Variants in STK35 observed in about 807,000 individuals in gnomAD.
The protein encoded by STK35 is serine/threonine-protein kinase 35.
STK35 carries 17 observed loss-of-function variants against 37.3 expected under a neutral mutation model. The ratio of observed to expected loss-of-function variants is 0.46; its 90% CI spans 0.31 to 0.68. The LOEUF (loss-of-function observed/expected upper bound fraction) is 0.68, where lower values mean the gene tolerates loss of function less well. STK35 is among the 30% of genes least tolerant of loss of function. The pLI is 0.05. For missense variants in STK35, 595 were observed against 746.7 expected (o/e 0.80, Z 2.37); for synonymous variants, 385 against 319.1 (o/e 1.21, Z -2.20).
rs1385805894 is a variant in STK35 at position 2,148,046 on chromosome 20, A to G, written c.*4300A>G. The stretch of plus-strand genomic sequence containing the variant: ...GTTAGCATCTACAGCCATCACCGAG[A>G]TGAGTCCACTGCCGTTGCCTGCCCG... On this transcript the variant is annotated 3_prime_UTR_variant, in exon 4 of 4. Coordinates refer to ENST00000381482, the MANE Select transcript of STK35 (RefSeq NM_080836.4). 7.4e-6 allele frequency: 1 copy of G among 134,822 alleles called. No homozygotes were observed. Among genetic ancestry groups the G allele is most frequent in the Non-Finnish European group, 1.6e-5 (1 of 64,444 alleles). 8.4% of individuals were successfully genotyped at this position (134,822 alleles called of 1,614,324 possible). A position where few individuals can be genotyped will look rare whatever the true frequency, so the allele number is the denominator to read the frequency against.
At chr20:2,139,731 G>A (rs573075074) in intron 3 of STK35, among the ~76,000 whole-genome samples, 2 of 152,292 alleles carry the variant, frequency 1.3e-5, no homozygotes, top group Admixed American at 6.5e-5. Context: ...GTTGCTTTAC[G>A]AGGTTGTTGC....
At chr20:2,106,115 T>G (rs1305147472) in intron 2 of STK35, among the ~76,000 whole-genome samples, 1 of 152,218 alleles carries the variant, frequency 6.6e-6, no homozygotes, top group Non-Finnish European at 1.5e-5. Flanking sequence ...TTTTGCTTCT[T>G]AAAATAGAGA....
intron 2 of STK35, among the ~76,000 whole-genome samples, chr20:2,111,675 G>A (rs965604319): frequency 1.3e-5 from 2 of 152,160 alleles, no homozygotes; most frequent in Admixed American, 1.3e-4. Context: ...CTCTGGCCTG[G>A]GCAACAGAGC....
chr20:2,121,942 C>G (rs1404037085), intron 3 of STK35, among the ~76,000 whole-genome samples: 1 of 152,158 alleles, frequency 6.6e-6, no homozygotes, highest in African/African-American at 2.4e-5. Context: ...CAGTAGTTGT[C>G]AAAGTATTTT....
intron 2 of STK35, among the ~76,000 whole-genome samples, chr20:2,116,094 G>C (rs1219427504): frequency 6.6e-6 from 1 of 152,154 alleles, no homozygotes; most frequent in African/African-American, 2.4e-5. Context: ...TACCTAACTT[G>C]TGCTAGGCAT....
chr20:2,111,524 C>T (rs1423397753), intron 2 of STK35, among the ~76,000 whole-genome samples: 3 of 152,040 alleles, frequency 2.0e-5, no homozygotes, highest in Non-Finnish European at 1.5e-5. Context: ...TAAGGAGACC[C>T]TGTCTCTACT....
In STK35 at chr20:2,143,655, T is replaced by G. The variant is rs147601843; in HGVS notation, c.*38-129T>G. On this transcript the variant is annotated intron_variant, in intron 3 of 3. Transcript: ENST00000381482. ...GACCAGGGAGGTTGTGAAGCTAGAT[T>G]TACCCCATCTCTTTAGAGCTCTGCC... 1,078 of 238,130 alleles carry G rather than the reference T, an allele frequency of 4.5e-3. 15 individuals are homozygous for G. The highest frequency in any genetic ancestry group is 0.024 in the African/African-American group (1,020 of 42,048). The allele number at this position is 238,130 out of a possible 1,614,324, so 14.8% of individuals were successfully genotyped here. A position where few individuals can be genotyped will look rare whatever the true frequency, so the allele number is the denominator to read the frequency against.
At chr20:2,109,959 G>A (rs1161402498) in intron 2 of STK35, among the ~76,000 whole-genome samples, 1 of 152,228 alleles carries the variant, frequency 6.6e-6, no homozygotes, top group Non-Finnish European at 1.5e-5. Flanking sequence ...TTTGGACACT[G>A]TGTTTTGCCC....
chr20:2,117,501 G>A lies in STK35; in HGVS notation c.*37+86G>A. Reference sequence around the variant, plus strand: ...GTCAGGCTGGGGTGCAGCGGGTGCAGTGGCAGGATCTCAGCTCACTGCAAC... The same window carrying A: ...GTCAGGCTGGGGTGCAGCGGGTGCAATGGCAGGATCTCAGCTCACTGCAAC... On this transcript the variant is annotated intron_variant, in intron 3 of 3. Coordinates refer to ENST00000381482, the MANE Select transcript of STK35 (RefSeq NM_080836.4). This position sits in a 1 kb window ranked among gnomAD's most constrained non-coding sequence, Gnocchi z 4.4. 1 of 729,292 alleles carries A rather than the reference G, an allele frequency of 1.4e-6. No homozygotes were observed. The highest frequency in any genetic ancestry group is 2.2e-6 in the Non-Finnish European group (1 of 460,200). 45.2% of individuals were successfully genotyped at this position (729,292 alleles called of 1,614,324 possible). A position where few individuals can be genotyped will look rare whatever the true frequency, so the allele number is the denominator to read the frequency against.
At chr20:2,131,331 T>A (rs1178151702) in intron 3 of STK35, among the ~76,000 whole-genome samples, 1 of 152,062 alleles carries the variant, frequency 6.6e-6, no homozygotes, top group African/African-American at 2.4e-5. Flanking sequence ...GTAAAAAAAA[T>A]GGCTGGGCTT....
intron 3 of STK35, among the ~76,000 whole-genome samples, chr20:2,133,514 C>T (rs1352366512): frequency 6.6e-6 from 1 of 152,208 alleles, no homozygotes; most frequent in Non-Finnish European, 1.5e-5. Flanking sequence ...TTGGGTTTCA[C>T]CCAGTGTCTG....
Position 2,117,171 on chromosome 20 carries a change from C to T in STK35, c.1398C>T (p.Tyr466=), listed in dbSNP as rs1235251849. The change falls in exon 3 of 4, where the codon TAC becomes TAT. Residue 466 remains tyrosine, a synonymous_variant. Transcript: ENST00000381482. This position sits in a 1 kb window ranked among gnomAD's most constrained non-coding sequence, Gnocchi z 4.4. ...CCAAGAAGGAGCTCCTGGGGACCTA[C>T]ATTAAACAGGGGACTGAGATCGTCC... The part of the protein sequence containing the change: ...SETKKELLGT[Y]IKQGTEIVPV... 6.2e-7 allele frequency: 1 copy of T among 1,614,120 alleles called. No individual in the cohort carries two copies. The highest frequency in any genetic ancestry group is 1.3e-5 in the African/African-American group (1 of 75,028).
At position 2,117,737 on chromosome 20, in the gene STK35, G is replaced by A. The variant is rs970407623; in HGVS notation, c.*37+322G>A. On this transcript the variant is annotated intron_variant, in intron 3 of 3. Coordinates refer to ENST00000381482, the MANE Select transcript of STK35 (RefSeq NM_080836.4). The surrounding 1 kb of genome is among the most constrained non-coding windows in gnomAD (Gnocchi z 4.4). The stretch of plus-strand genomic sequence containing the variant: ...TGGGATTACAGTTGTGAGCCACCAT[G>A]CCCAGCCTCTCTTTTTTTTCTGTAT... Among the ~76,000 whole-genome samples, 1 of 152,174 alleles carries A rather than the reference G, an allele frequency of 6.6e-6. No individual in the cohort carries two copies. The highest frequency in any genetic ancestry group is 2.4e-5 in the African/African-American group (1 of 41,442).
intron 3 of STK35, among the ~76,000 whole-genome samples, chr20:2,140,460 T>G (rs1226101465): frequency 6.6e-6 from 1 of 152,186 alleles, no homozygotes; most frequent in Non-Finnish European, 1.5e-5. Flanking sequence ...CAGAACCATG[T>G]GGTCTGAGCC....
chr20:2,120,383 G>C (rs575161358), intron 3 of STK35, among the ~76,000 whole-genome samples: 14 of 152,342 alleles, frequency 9.2e-5, no homozygotes, highest in Admixed American at 7.8e-4. Flanking sequence ...AGTGTCCCAG[G>C]CTGTTTTGTT....
intron 2 of STK35, among the ~76,000 whole-genome samples, chr20:2,107,988 G>A (rs933426175): frequency 9.2e-5 from 14 of 152,188 alleles, no homozygotes; most frequent in African/African-American, 2.7e-4. Flanking sequence ...AGTCAGTACC[G>A]TGATTATCTT....
chr20:2,112,581 C>T (rs1600602505), intron 2 of STK35, among the ~76,000 whole-genome samples: 2 of 152,154 alleles, frequency 1.3e-5, no homozygotes, highest in South Asian at 2.1e-4. Flanking sequence ...TCTCTCCTAT[C>T]CCCCCCAGTT....
chr20:2,109,145 T>C (rs577289476), intron 2 of STK35, among the ~76,000 whole-genome samples: 1 of 152,302 alleles, frequency 6.6e-6, no homozygotes, highest in African/African-American at 2.4e-5. Context: ...ATGGTTACAG[T>C]ACAATAGATG....
intron 3 of STK35, among the ~76,000 whole-genome samples, chr20:2,129,750 G>A (rs898254089): frequency 6.6e-6 from 1 of 152,146 alleles, no homozygotes; most frequent in African/African-American, 2.4e-5. Context: ...GGCGGTCAGA[G>A]AAAGGCTCTC....
Sources: allele counts gnomAD v4.1 joint callset (sites outside exome capture counted in the v4.1 genomes callset), GRCh38; gene constraint gnomAD v4.1.1; non-coding constraint Gnocchi (gnomAD v3.1); transcripts MANE v1.5; gene names NCBI Gene and HGNC (gene_info 2026-07-23, HGNC 2026-07-21).